Variants in MAF observed in about 807,000 individuals in gnomAD.
The protein encoded by MAF is transcription factor Maf.
In MAF, 10 loss-of-function variants were observed where a neutral mutation model predicts 22.0. The observed-to-expected ratio is 0.45, with a 90% CI of 0.28 to 0.77. The LOEUF (loss-of-function observed/expected upper bound fraction) is 0.77, where lower values mean the gene tolerates loss of function less well. Ranked by LOEUF, MAF falls within the 30% of genes least tolerant of loss-of-function variation. The pLI is 0.12. For synonymous variants in MAF, 337 were observed against 255.8 expected (o/e 1.32, Z -3.03); for missense variants, 544 against 548.4 (o/e 0.99, Z 0.08).
At chr16:79,539,243 C>A in the MAF span, among the ~76,000 whole-genome samples, 10,427 of 152,298 alleles carry the variant, frequency 0.068, 536 homozygotes, top group Non-Finnish European at 0.087. Context: ...GTGGCTCATG[C>A]CTGTAATCCC....
At chr16:79,223,634 G>C in the MAF span, among the ~76,000 whole-genome samples, 1 of 152,276 alleles carries the variant, frequency 6.6e-6, no homozygotes, top group South Asian at 2.1e-4. Flanking sequence ...AAGAAGAAAA[G>C]AGGGAAGAAT....
At chr16:79,288,097 G>A in the MAF span, among the ~76,000 whole-genome samples, 2 of 152,134 alleles carry the variant, frequency 1.3e-5, no homozygotes, top group Non-Finnish European at 2.9e-5. Flanking sequence ...ATTGGAGGGA[G>A]GGCAGAGGGA....
the MAF span, among the ~76,000 whole-genome samples, chr16:79,409,559 G>T: frequency 3.9e-5 from 6 of 152,312 alleles, no homozygotes; most frequent in African/African-American, 1.4e-4. Flanking sequence ...CTCTTTGCAG[G>T]CCCGAAGCCC....
At chr16:79,327,574 G>C in the MAF span, among the ~76,000 whole-genome samples, 1 of 152,280 alleles carries the variant, frequency 6.6e-6, no homozygotes, top group Middle Eastern at 3.4e-3. Context: ...AGGTGAGTCA[G>C]CTCCACCCAG....
At chr16:79,337,633 T>C in the MAF span, among the ~76,000 whole-genome samples, 67 of 151,860 alleles carry the variant, frequency 4.4e-4, no homozygotes, top group Non-Finnish European at 7.5e-4. Context: ...CCAGAAACCA[T>C]CTCCATCGTC....
the MAF span, among the ~76,000 whole-genome samples, chr16:79,468,024 CA>C: frequency 6.6e-6 from 1 of 152,116 alleles, no homozygotes; most frequent in Admixed American, 6.5e-5. Flanking sequence ...ATCAATCCAA[CA>C]GAAATTTAAT....
the MAF span, among the ~76,000 whole-genome samples, chr16:79,454,916 G>GA: frequency 6.6e-6 from 1 of 152,058 alleles, no homozygotes; most frequent in South Asian, 2.1e-4. Context: ...GACCAACATG[G>GA]AGAAACCCCA....
chr16:79,538,544 A>G, the MAF span, among the ~76,000 whole-genome samples: 4 of 152,332 alleles, frequency 2.6e-5, no homozygotes, highest in East Asian at 7.7e-4. Context: ...ACTACACTTT[A>G]TTTACAAACT....
the MAF span, chr16:79,211,974 G>T: frequency 6.5e-7 from 1 of 1,528,046 alleles, no homozygotes; most frequent in Middle Eastern, 1.7e-4. Flanking sequence ...GGGAATTCCT[G>T]GGGTAAAGTA....
the MAF span, among the ~76,000 whole-genome samples, chr16:79,235,920 C>T: frequency 6.6e-6 from 1 of 151,960 alleles, no homozygotes; most frequent in South Asian, 2.1e-4. Context: ...TCACTGCAAG[C>T]CAAGCCGCCC....
At chr16:79,556,149 C>A in the MAF span, among the ~76,000 whole-genome samples, 1 of 152,124 alleles carries the variant, frequency 6.6e-6, no homozygotes, top group African/African-American at 2.4e-5. Context: ...GAAAATTTGA[C>A]AATCTGATTG....
At chr16:79,370,297 G>A in the MAF span, among the ~76,000 whole-genome samples, 1 of 152,180 alleles carries the variant, frequency 6.6e-6, no homozygotes, top group African/African-American at 2.4e-5. Flanking sequence ...GTTAGTTACA[G>A]TGGGCAAGGA....
the MAF span, among the ~76,000 whole-genome samples, chr16:79,530,631 T>A: frequency 6.6e-5 from 10 of 152,210 alleles, no homozygotes; most frequent in Non-Finnish European, 1.3e-4. Context: ...CACCAAAATG[T>A]TAAGAAGAGT....
chr16:79,416,199 G>A, the MAF span, among the ~76,000 whole-genome samples: 3 of 152,244 alleles, frequency 2.0e-5, no homozygotes, highest in South Asian at 2.1e-4. Flanking sequence ...ACACCACCAG[G>A]AGATGGCTGA....
chr16:79,350,625 C>T, the MAF span, among the ~76,000 whole-genome samples: 1 of 152,196 alleles, frequency 6.6e-6, no homozygotes, highest in African/African-American at 2.4e-5. Flanking sequence ...CTCTGTCCTT[C>T]CCAGCCAACA....
At chr16:79,496,885 AT>A in the MAF span, among the ~76,000 whole-genome samples, 1 of 152,092 alleles carries the variant, frequency 6.6e-6, no homozygotes, top group Non-Finnish European at 1.5e-5. Flanking sequence ...TCTGATTATT[AT>A]TTTTTTCCTT....
the MAF span, among the ~76,000 whole-genome samples, chr16:79,348,556 A>C: frequency 6.6e-6 from 1 of 152,204 alleles, no homozygotes. Flanking sequence ...GTTGAACCTG[A>C]AGGGGAAAAG....
At chr16:79,568,953 C>G in the MAF span, among the ~76,000 whole-genome samples, 4 of 152,176 alleles carry the variant, frequency 2.6e-5, no homozygotes, top group Non-Finnish European at 5.9e-5. Flanking sequence ...AGAACAGATC[C>G]AAAGAGGTTA....
the MAF span, among the ~76,000 whole-genome samples, chr16:79,287,271 T>TA: frequency 2.0e-5 from 3 of 152,218 alleles, no homozygotes; most frequent in Non-Finnish European, 2.9e-5. Context: ...GGCAGGCTGT[T>TA]AGACACCTGC....
Sources: gnomAD v4.1 joint callset for allele counts (sites outside exome capture counted in the v4.1 genomes callset) on GRCh38, gnomAD v4.1.1 for gene constraint, MANE v1.5 for transcripts, NCBI Gene and HGNC (gene_info 2026-07-23, HGNC 2026-07-21) for gene names.